The following DDX54 variants were observed in gnomAD, a reference collection of about 807,000 sequenced individuals.
DDX54 encodes the protein ATP-dependent RNA helicase DDX54.
Under a neutral mutation model 105.5 loss-of-function variants are expected in DDX54, and 67 were observed. The observed-to-expected ratio is 0.64, with a 90% CI of 0.52 to 0.78. The LOEUF is 0.78. DDX54 is among the 30% of genes least tolerant of loss of function. The pLI is 0.00. For synonymous variants in DDX54, 514 were observed against 509.9 expected (o/e 1.01, Z -0.11); for missense variants, 1,206 against 1,230.5 (o/e 0.98, Z 0.30).
intron 1 of DDX54, among the ~76,000 whole-genome samples, chr12:113,181,542 C>A (rs577153120): frequency 6.6e-6 from 1 of 151,812 alleles, no homozygotes; most frequent in African/African-American, 2.4e-5. Flanking sequence ...AATTCCTGGC[C>A]TCAAGTATTC....
At chr12:113,166,795 A>T (rs938549221) in intron 12 of DDX54, among the ~76,000 whole-genome samples, 1 of 152,230 alleles carries the variant, frequency 6.6e-6, no homozygotes, top group African/African-American at 2.4e-5. Flanking sequence ...ACCCTGTTCT[A>T]TAGATAAGAA....
In DDX54 at chr12:113,165,830, A is replaced by G. The variant is rs1952266301; in HGVS notation, c.1617T>C (p.Leu539=). 6.2e-7 allele frequency: 1 copy of G among 1,609,034 alleles called. No individual in the cohort carries two copies. Among genetic ancestry groups the G allele is most frequent in the Non-Finnish European group, 8.5e-7 (1 of 1,176,652 alleles). ...ESIKRAKEMD[L]VGLGLHPLFS... ...AGAGGGGGTGCAGGCCCAGCCCCAC[A>G]AGGTCCATCTCCTTGGCCCTCTTGA... Residue 539 remains leucine, a synonymous_variant, in exon 13 of 20, where the codon CTT becomes CTC. Transcript: ENST00000306014.
intron 11 of DDX54, among the ~76,000 whole-genome samples, chr12:113,170,732 G>A (rs1418443978): frequency 1.3e-5 from 2 of 152,122 alleles, no homozygotes; most frequent in African/African-American, 2.4e-5. Context: ...GCAGTCACAC[G>A]ACAGCAGCAG....
chr12:113,157,811 T>C lies in DDX54; in HGVS notation c.*1066A>G. The C allele has an allele frequency of 1.3e-6, 1 of 769,444 alleles. No individual in the cohort carries two copies. Among genetic ancestry groups the C allele is most frequent in the Non-Finnish European group, 2.2e-6 (1 of 462,142 alleles). 47.7% of individuals were successfully genotyped at this position (769,444 alleles called of 1,614,324 possible). A position where few individuals can be genotyped will look rare whatever the true frequency, so the allele number is the denominator to read the frequency against. ...TTCCTCATTGGGAAGATGGGAGGGC[T>C]GTGCCTGTTCAGAGTGCTGTGGGCC... On this transcript the variant is annotated 3_prime_UTR_variant, in exon 20 of 20. Coordinates refer to ENST00000306014, the MANE Select transcript of DDX54 (RefSeq NM_024072.4).
intron 10 of DDX54, among the ~76,000 whole-genome samples, chr12:113,173,813 T>C (rs1305249627): frequency 6.6e-6 from 1 of 152,174 alleles, no homozygotes; most frequent in African/African-American, 2.4e-5. Flanking sequence ...CTGGTAACAG[T>C]TGTACCTAGA....
intron 18 of DDX54, 26 bp from the exon 19 acceptor site, chr12:113,161,408 C>T: frequency 1.3e-6 from 2 of 1,581,444 alleles, no homozygotes; most frequent in East Asian, 2.2e-5. Flanking sequence ...AAGGAAGCTG[C>T]GTGAAGCCCC....
intron 10 of DDX54, 43 bp downstream of exon 10, chr12:113,174,597 T>A (rs1250026453): frequency 6.3e-7 from 1 of 1,596,646 alleles, no homozygotes; most frequent in Admixed American, 1.7e-5. Context: ...AGCTCCAAAC[T>A]CCAGCTGAAG....
chr12:113,176,339 G>A (rs191093094), intron 7 of DDX54, among the ~76,000 whole-genome samples: 46 of 152,246 alleles, frequency 3.0e-4, no homozygotes, highest in Non-Finnish European at 5.0e-4. Flanking sequence ...AGGCCGAGGC[G>A]GGTGGATCAC....
At chr12:113,162,030 G>A (rs369057999) in intron 17 of DDX54, 33 bp from the exon 18 acceptor site, 3 of 1,605,384 alleles carry the variant, frequency 1.9e-6, no homozygotes, top group African/African-American at 2.7e-5. Flanking sequence ...GGCTGCCGTG[G>A]AGGGAAACCC....
intron 1 of DDX54, 81 bp downstream of exon 1, chr12:113,185,197 A>C (rs1952514487): frequency 7.1e-7 from 1 of 1,413,684 alleles, no homozygotes; most frequent in Non-Finnish European, 9.2e-7. Flanking sequence ...CCCAATCCCC[A>C]GCTGGGGAAA....
In DDX54 at chr12:113,169,822, G is replaced by A. The variant is rs755642300; in HGVS notation, c.1362C>T (p.His454=). Residue 454 remains histidine, a synonymous_variant, in exon 12 of 20, where the codon CAC becomes CAT. Coordinates refer to ENST00000306014, the MANE Select transcript of DDX54 (RefSeq NM_024072.4). ...GGGTGAGGGAGCGGCCCAGGAACAG[G>A]TGCAGATCCAGCAGGTAGGGGATTT... is the stretch of plus-strand genomic sequence containing the variant. ...PDEIPYLLDL[H]LFLGRSLTLA... is the part of the protein sequence containing the mutation. 15 of 1,614,148 alleles carry A rather than the reference G, an allele frequency of 9.3e-6. No homozygotes were observed. The highest frequency in any genetic ancestry group is 3.3e-5 in the South Asian group (3 of 91,080).
At position 113,170,576 on chromosome 12, in the gene DDX54, T is replaced by C. The variant is rs1183675016; in HGVS notation, c.1280-672A>G. On this transcript the variant is annotated intron_variant, in intron 11 of 19. Coordinates refer to ENST00000306014, the MANE Select transcript of DDX54 (RefSeq NM_024072.4). ...ATTGCTTGAATCTGGGAGTTCAAGC[T>C]TACAGTGAGCTATGATCATGCCACA... 4.6e-5 allele frequency among the ~76,000 whole-genome samples: 7 copies of C among 152,254 alleles called. 1 individual carries two copies. The South Asian group carries it at 1.2e-3, about 27-fold the overall frequency.
intron 1 of DDX54, among the ~76,000 whole-genome samples, chr12:113,182,018 G>A (rs1038959468): frequency 1.3e-5 from 2 of 151,954 alleles, no homozygotes; most frequent in Admixed American, 6.6e-5. Context: ...AAGCATTTAC[G>A]GAGCAGCAAT....
chr12:113,185,286 C>T lies in DDX54; in HGVS notation c.166G>A (p.Ala56Thr), dbSNP rs372534281. ...CAGCCCCACGCGCCTACCTTCCGGG[C>T]CCGGGCGTCATCTTCCGCCTGGATC... is the stretch of plus-strand genomic sequence containing the variant. ...FEIQAEDDARARKLGPGRPLP... is the reference protein window; with the variant it reads ...FEIQAEDDARTRKLGPGRPLP... Residue 56 changes from alanine to threonine, a missense_variant, in exon 1 of 20, where the codon GCC becomes ACC. By Grantham distance (58) the Ala-to-Thr change is moderately conservative. Around this residue, in one of 3 missense-constraint regions of DDX54, gnomAD observed 212 missense variants for 155.4 expected, o/e 1.36. Transcript: ENST00000306014. 1.8e-5 allele frequency: 29 copies of T among 1,570,090 alleles called. No homozygotes were observed. In the African/African-American group the frequency reaches 3.3e-4, roughly 18 times the overall value.
intron 9 of DDX54, 47 bp from the exon 10 acceptor site, chr12:113,174,818 G>A (rs373554350): frequency 6.2e-7 from 1 of 1,614,200 alleles, no homozygotes; most frequent in African/African-American, 1.3e-5. Flanking sequence ...TCCTGGCCCA[G>A]GGCCTGCAGG....
chr12:113,175,193 G>A (rs760121730), intron 7 of DDX54, 36 bp from the exon 8 acceptor site: 4 of 1,559,098 alleles, frequency 2.6e-6, no homozygotes, highest in Non-Finnish European at 3.5e-6. Flanking sequence ...GTCAGAGGGG[G>A]CCTTCACTCC....
chr12:113,164,509 T>A (rs1254331740), intron 14 of DDX54, among the ~76,000 whole-genome samples: 2 of 150,754 alleles, frequency 1.3e-5, no homozygotes, highest in Non-Finnish European at 3.0e-5. Flanking sequence ...AGGTCAGGAG[T>A]TCGAGACTAG....
chr12:113,161,344 C>T lies in DDX54; in HGVS notation c.2339G>A (p.Arg780His), dbSNP rs766588291. 6.2e-7 allele frequency: 1 copy of T among 1,613,460 alleles called. No homozygotes were observed. Among genetic ancestry groups the T allele is most frequent in the African/African-American group, 1.3e-5 (1 of 75,002 alleles). ...KWKQKQKIDD[R>H]DSDEEGASDR... ...AGATGCCCCTTCTTCGTCCGAGTCACGATCATCAATTTTCTGTTTCTGTTT... is the reference window on the plus strand; with the variant it reads ...AGATGCCCCTTCTTCGTCCGAGTCATGATCATCAATTTTCTGTTTCTGTTT... Residue 780 changes from arginine to histidine, a missense_variant, in exon 19 of 20, where the codon CGT becomes CAT. Around this residue, in one of 3 missense-constraint regions of DDX54, gnomAD observed 961 missense variants for 1,019.1 expected, o/e 0.94. Coordinates refer to ENST00000306014, the MANE Select transcript of DDX54 (RefSeq NM_024072.4).
In DDX54 at chr12:113,161,918, T is replaced by C. The variant is rs760090760; in HGVS notation, c.2275A>G (p.Ile759Val). The stretch of plus-strand genomic sequence containing the variant: ...AGGTCTCGCTTGTAGGAGCTGCTGA[T>C]GTAGCGGCCGCTCTCTGTCTTAATC... ...KKIKTESGRY[I>V]SSSYKRDLYQ... is the part of the protein sequence containing the mutation. Residue 759 changes from isoleucine (I) to valine (V), a missense_variant, in exon 18 of 20, where the codon ATC (isoleucine) becomes GTC (valine). Ile to Val is a conservative substitution (Grantham distance 29). Coordinates refer to ENST00000306014, the MANE Select transcript of DDX54 (RefSeq NM_024072.4). 4 of 1,611,708 alleles carry C rather than the reference T, an allele frequency of 2.5e-6. No homozygotes were observed. The highest frequency in any genetic ancestry group is 3.4e-6 in the Non-Finnish European group (4 of 1,179,362).
Sources: gnomAD v4.1 joint callset for allele counts (sites outside exome capture counted in the v4.1 genomes callset) on GRCh38, gnomAD v4.1.1 for gene constraint, gnomAD v4.1.1 regional missense constraint, MANE v1.5 for transcripts, NCBI Gene and HGNC (gene_info 2026-07-23, HGNC 2026-07-21) for gene names.